DTWD2: variants seen among roughly 807,000 people sequenced by gnomAD.
The protein encoded by DTWD2 is DTW motif tRNA-uridine aminocarboxypropyltransferase 2, also known as tRNA-uridine aminocarboxypropyltransferase 2.
DTWD2 carries 39 observed loss-of-function variants against 31.8 expected under a neutral mutation model. The ratio of observed to expected loss-of-function variants is 1.22; its 90% confidence interval spans 0.95 to 1.60. The LOEUF (loss-of-function observed/expected upper bound fraction) is 1.60. Ranked by LOEUF, DTWD2 falls within the 40% of genes most tolerant of loss-of-function variation. DTWD2 has a pLI of 0.00. For synonymous variants in DTWD2, 180 were observed against 142.8 expected (o/e 1.26, Z -1.86); for missense variants, 515 against 381.5 (o/e 1.35, Z -2.92).
intron 5 of DTWD2, among the ~76,000 whole-genome samples, chr5:118,846,021 G>A (rs1271109607): frequency 6.6e-6 from 1 of 152,108 alleles, no homozygotes; most frequent in African/African-American, 2.4e-5. Context: ...ACGTAAAGTT[G>A]TCCTAACTAT....
chr5:118,849,529 T>A (rs963102510), intron 4 of DTWD2, among the ~76,000 whole-genome samples: 1 of 152,234 alleles, frequency 6.6e-6, no homozygotes, highest in Non-Finnish European at 1.5e-5. Flanking sequence ...TTACTGGGTA[T>A]ATACCCAAAG....
intron 4 of DTWD2, among the ~76,000 whole-genome samples, chr5:118,872,714 A>G (rs778595693): frequency 3.3e-5 from 5 of 152,262 alleles, no homozygotes; most frequent in African/African-American, 4.8e-5. Flanking sequence ...AGTTTGAAAC[A>G]TTGTAAGAAT....
At chr5:118,848,018 C>T in intron 5 of DTWD2, 72 bp downstream of exon 5, 1 of 1,381,598 alleles carries the variant, frequency 7.2e-7, no homozygotes, top group African/African-American at 1.5e-5. Flanking sequence ...ATTTAACAAG[C>T]ATGTCTAAAT....
chr5:118,920,286 C>T (rs1317166672), intron 4 of DTWD2, among the ~76,000 whole-genome samples: 2 of 151,972 alleles, frequency 1.3e-5, no homozygotes, highest in Non-Finnish European at 2.9e-5. Flanking sequence ...ATTACACTGT[C>T]ATCCTGTTTC....
chr5:118,980,284 T>C (rs1446812511), intron 1 of DTWD2, among the ~76,000 whole-genome samples: 7 of 152,190 alleles, frequency 4.6e-5, no homozygotes, highest in Non-Finnish European at 1.0e-4. Flanking sequence ...GCAAACCCAC[T>C]GTGTGCACAG....
At position 118,872,340 on chromosome 5, in the gene DTWD2, C is replaced by T. The variant is rs545045498; in HGVS notation, c.598-24122G>A. Among the ~76,000 whole-genome samples the T allele has an allele frequency of 3.3e-5, 5 of 152,296 alleles. No individual in the cohort carries two copies. The South Asian group carries it at 1.0e-3, about 32-fold the overall frequency. ...CACAACTTGGCTATCTAGCTTGGTACAAGAGGCCTAGTTTTCAGTCTATCT... is the reference window on the plus strand; with the variant it reads ...CACAACTTGGCTATCTAGCTTGGTATAAGAGGCCTAGTTTTCAGTCTATCT... On this transcript the variant is annotated intron_variant, in intron 4 of 5. Coordinates refer to ENST00000510708, the MANE Select transcript of DTWD2 (RefSeq NM_173666.4).
intron 1 of DTWD2, among the ~76,000 whole-genome samples, chr5:118,960,916 C>T (rs1242859227): frequency 2.0e-5 from 3 of 151,912 alleles, no homozygotes; most frequent in Non-Finnish European, 4.4e-5. Context: ...GACATTGAGG[C>T]CTAATTGAGG....
At chr5:118,849,705 G>T (rs185506906) in intron 4 of DTWD2, among the ~76,000 whole-genome samples, 10 of 152,166 alleles carry the variant, frequency 6.6e-5, no homozygotes, top group Non-Finnish European at 1.5e-4. Context: ...CATAAAAAAG[G>T]ATGAGTTCAA....
chr5:118,958,937 A>G (rs1017449978), intron 1 of DTWD2, among the ~76,000 whole-genome samples: 5 of 152,182 alleles, frequency 3.3e-5, no homozygotes, highest in Non-Finnish European at 5.9e-5. Context: ...TAGGCACTAA[A>G]GGAACTTACC....
intron 1 of DTWD2, chr5:118,973,877 G>A: frequency 6.2e-7 from 1 of 1,611,190 alleles, no homozygotes; most frequent in Non-Finnish European, 8.5e-7. Context: ...GGAAGAGGCA[G>A]AAAATGGAAG....
chr5:118,964,217 CA>C (rs34712667), intron 1 of DTWD2, among the ~76,000 whole-genome samples: 9,526 of 84,716 alleles, frequency 0.11, 342 homozygotes, highest in African/African-American at 0.2. Context: ...GACTCCATCT[CA>C]AAAAAAAAAA....
intron 4 of DTWD2, among the ~76,000 whole-genome samples, chr5:118,876,294 A>G (rs947675642): frequency 6.6e-6 from 1 of 152,178 alleles, no homozygotes. Context: ...CAACTAAAAG[A>G]ACTAGAGGAC....
At chr5:118,977,272 G>A (rs751044926) in intron 1 of DTWD2, among the ~76,000 whole-genome samples, 3 of 152,072 alleles carry the variant, frequency 2.0e-5, no homozygotes, top group African/African-American at 7.2e-5. Context: ...TTTGAAGATC[G>A]GCACAAGACA....
At chr5:118,898,808 T>A (rs533056729) in intron 4 of DTWD2, among the ~76,000 whole-genome samples, 41 of 152,134 alleles carry the variant, frequency 2.7e-4, no homozygotes, top group African/African-American at 9.9e-4. Context: ...CACAAAAAAA[T>A]TGTTATTAAG....
At position 118,885,431 on chromosome 5, in the gene DTWD2, T is replaced by G. The variant is rs561934714; in HGVS notation, c.598-37213A>C. 3.5e-3 allele frequency among the ~76,000 whole-genome samples: 415 copies of G among 119,232 alleles called. 1 individual carries two copies. Among genetic ancestry groups the G allele is most frequent in the Non-Finnish European group, 5.4e-3 (337 of 62,832 alleles). The allele number at this position is 119,232 out of a possible 152,430, so 78.2% of individuals were successfully genotyped here. On this transcript the variant is annotated intron_variant, in intron 4 of 5. Coordinates refer to ENST00000510708, the MANE Select transcript of DTWD2 (RefSeq NM_173666.4). ...CGAGCCACTGCACTGCACTCCAGCC[T>G]GGGCGACAGAGCAAGACTCCACCTC...
intron 4 of DTWD2, among the ~76,000 whole-genome samples, chr5:118,886,755 T>C (rs1016464586): frequency 6.6e-6 from 1 of 152,234 alleles, no homozygotes; most frequent in Non-Finnish European, 1.5e-5. Flanking sequence ...TTCTATGAAA[T>C]ATTTCTTACA....
chr5:118,897,264 T>C (rs1753104377), intron 4 of DTWD2, among the ~76,000 whole-genome samples: 1 of 152,196 alleles, frequency 6.6e-6, no homozygotes, highest in Admixed American at 6.5e-5. Context: ...TCACATAAGA[T>C]GTATTTACTT....
chr5:118,920,240 T>C (rs1561455784), intron 4 of DTWD2, among the ~76,000 whole-genome samples: 1 of 152,132 alleles, frequency 6.6e-6, no homozygotes, highest in Non-Finnish European at 1.5e-5. Flanking sequence ...TTTCAAGGAA[T>C]GCTCCCATGA....
intron 3 of DTWD2, 77 bp from the exon 4 acceptor site, chr5:118,928,806 A>C: frequency 1.6e-6 from 2 of 1,234,198 alleles, no homozygotes; most frequent in Admixed American, 5.1e-5. Context: ...TGAATTTCCT[A>C]ATAAAAGTTT....
Sources: allele counts gnomAD v4.1 joint callset (sites outside exome capture counted in the v4.1 genomes callset), GRCh38; gene constraint gnomAD v4.1.1; transcripts MANE v1.5; gene names NCBI Gene and HGNC (gene_info 2026-07-23, HGNC 2026-07-21).